LYPLAL1: variants seen among roughly 807,000 people sequenced by gnomAD.
LYPLAL1 encodes the protein lysophospholipase-like protein 1.
In LYPLAL1, 23 loss-of-function variants were observed where a neutral mutation model predicts 19.7. The ratio of observed to expected loss-of-function variants is 1.17; its 90% CI spans 0.84 to 1.65. LYPLAL1 has a LOEUF of 1.65. Ranked by LOEUF, LYPLAL1 falls within the 40% of genes most tolerant of loss-of-function variation. The probability of loss-of-function intolerance (pLI) is 0.00; values close to 1 mark genes in which losing one functional copy is unlikely to be tolerated. For synonymous variants in LYPLAL1, 119 were observed against 96.3 expected, an observed-to-expected ratio of 1.24 and a Z score of -1.38; for missense variants, 355 against 279.4, an observed-to-expected ratio of 1.27 and a Z score of -1.93.
chr1:219,206,858 C>G (rs575947341), intron 3 of LYPLAL1, among the ~76,000 whole-genome samples: 3 of 151,534 alleles, frequency 2.0e-5, no homozygotes, highest in Non-Finnish European at 4.4e-5. Flanking sequence ...TTTAAAATCT[C>G]TTTTTAATGT....
the LYPLAL1 span, among the ~76,000 whole-genome samples, chr1:219,351,204 A>G: frequency 6.6e-6 from 1 of 151,926 alleles, no homozygotes; most frequent in African/African-American, 2.4e-5. Context: ...TAGATTAGAC[A>G]ATACATAGTA....
intron 2 of LYPLAL1, 25 bp from the exon 3 acceptor site, chr1:219,193,057 T>TGG (rs765183693): frequency 1.5e-6 from 2 of 1,340,754 alleles, no homozygotes; most frequent in African/African-American, 2.4e-5. Flanking sequence ...TTCTTTTTTT[T>TGG]TGGGGGGGGG....
intron 2 of LYPLAL1, among the ~76,000 whole-genome samples, chr1:219,187,690 A>G (rs973104757): frequency 6.6e-6 from 1 of 151,694 alleles, no homozygotes; most frequent in Admixed American, 6.6e-5. Flanking sequence ...TTTTCAGTAA[A>G]TATGTATTCT....
At chr1:219,278,403 C>T in the LYPLAL1 span, among the ~76,000 whole-genome samples, 1 of 152,070 alleles carries the variant, frequency 6.6e-6, no homozygotes, top group East Asian at 1.9e-4. Context: ...TATTTAAAGC[C>T]TTTATATGTA....
chr1:219,314,462 T>A, the LYPLAL1 span, among the ~76,000 whole-genome samples: 10 of 152,298 alleles, frequency 6.6e-5, no homozygotes, highest in South Asian at 2.1e-3. Flanking sequence ...TTTTCTTTTT[T>A]GAGATGGAGT....
chr1:219,342,139 T>A, the LYPLAL1 span, among the ~76,000 whole-genome samples: 1 of 152,268 alleles, frequency 6.6e-6, no homozygotes, highest in South Asian at 2.1e-4. Context: ...TGGGTATCAA[T>A]AATGAATCAT....
the LYPLAL1 span, among the ~76,000 whole-genome samples, chr1:219,265,678 T>C: frequency 6.6e-6 from 1 of 152,184 alleles, no homozygotes; most frequent in Admixed American, 6.5e-5. Flanking sequence ...CCTTAAGATA[T>C]TGTAATTGTG....
Position 219,210,610 on chromosome 1 carries a change from T to C in LYPLAL1, c.440T>C (p.Leu147Pro). The C allele has an allele frequency of 6.2e-7, 1 of 1,610,140 alleles. No individual in the cohort carries two copies. Among genetic ancestry groups the C allele is most frequent in the South Asian group, 1.1e-5 (1 of 90,252 alleles). Residue 147 changes from leucine (L) to proline (P), a missense_variant, in exon 4 of 5, where the codon CTT becomes CCT. Transcript: ENST00000366928. ...CAAGATGTGGCAGGAGTATTTGCTC[T>C]TTCTAGTTTTCTGAATAAAGCATCT... ...NHQDVAGVFA[L>P]SSFLNKASAV...
chr1:219,255,374 T>G, the LYPLAL1 span, among the ~76,000 whole-genome samples: 6 of 151,958 alleles, frequency 3.9e-5, no homozygotes, highest in African/African-American at 1.4e-4. Flanking sequence ...TTTATGCTCC[T>G]GTAAATGTAT....
At chr1:219,289,073 G>GT in the LYPLAL1 span, among the ~76,000 whole-genome samples, 7 of 77,722 alleles carry the variant, frequency 9.0e-5, no homozygotes, top group African/African-American at 1.6e-4. Flanking sequence ...GTTACCTCTT[G>GT]TTTTGTTTTT....
chr1:219,370,746 T>C, the LYPLAL1 span, among the ~76,000 whole-genome samples: 1 of 152,190 alleles, frequency 6.6e-6, no homozygotes, highest in Non-Finnish European at 1.5e-5. Context: ...TATATGGAGT[T>C]CAGAAAGCAA....
chr1:219,177,625 A>G (rs1462269685), intron 1 of LYPLAL1, among the ~76,000 whole-genome samples: 3 of 152,208 alleles, frequency 2.0e-5, no homozygotes, highest in Non-Finnish European at 4.4e-5. Flanking sequence ...GAGACCTTTT[A>G]CTGTTGACCC....
At chr1:219,386,881 C>T in the LYPLAL1 span, among the ~76,000 whole-genome samples, 2 of 152,264 alleles carry the variant, frequency 1.3e-5, no homozygotes, top group South Asian at 4.1e-4. Flanking sequence ...TTTATTCCCT[C>T]TATCTATTTT....
At chr1:219,283,662 G>A in the LYPLAL1 span, among the ~76,000 whole-genome samples, 3 of 152,090 alleles carry the variant, frequency 2.0e-5, no homozygotes, top group Non-Finnish European at 4.4e-5. Flanking sequence ...TACAGCCTTT[G>A]GGCAGAGGAA....
chr1:219,313,495 C>T, the LYPLAL1 span, among the ~76,000 whole-genome samples: 1 of 150,142 alleles, frequency 6.7e-6, no homozygotes, highest in Admixed American at 6.7e-5. Flanking sequence ...TTTATAGCAT[C>T]TTACGTTTTC....
the LYPLAL1 span, among the ~76,000 whole-genome samples, chr1:219,312,963 A>G: frequency 0.41 from 62,289 of 152,088 alleles, 13,451 homozygotes; most frequent in Non-Finnish European, 0.48. Flanking sequence ...ATACAGTCAC[A>G]CTTCAATGAT....
the LYPLAL1 span, among the ~76,000 whole-genome samples, chr1:219,424,804 A>T: frequency 3.9e-5 from 6 of 152,186 alleles, no homozygotes; most frequent in Non-Finnish European, 7.4e-5. Context: ...ACTTGGACAC[A>T]TTCGAGATTT....
chr1:219,404,136 G>A, the LYPLAL1 span, among the ~76,000 whole-genome samples: 3 of 152,040 alleles, frequency 2.0e-5, no homozygotes, highest in Admixed American at 6.5e-5. Context: ...GAAATACCTC[G>A]TGTCTCTTTT....
the LYPLAL1 span, among the ~76,000 whole-genome samples, chr1:219,306,793 G>GATAGAT: frequency 6.3e-5 from 9 of 142,880 alleles, no homozygotes; most frequent in Non-Finnish European, 1.1e-4. Flanking sequence ...TAGATACATA[G>GATAGAT]ACAGATGCAT....
Sources: allele counts gnomAD v4.1 joint callset (sites outside exome capture counted in the v4.1 genomes callset), GRCh38; gene constraint gnomAD v4.1.1; transcripts MANE v1.5; gene names NCBI Gene and HGNC (gene_info 2026-07-23, HGNC 2026-07-21).